NKAIN3: variants seen among roughly 807,000 people sequenced by gnomAD.
NKAIN3 encodes the protein sodium/potassium-transporting ATPase subunit beta-1-interacting protein 3.
Under a neutral mutation model 30.2 loss-of-function variants are expected in NKAIN3, and 25 were observed. The observed-to-expected ratio is 0.83, with a 90% confidence interval of 0.60 to 1.16. The LOEUF (loss-of-function observed/expected upper bound fraction) is 1.16, where lower values mean the gene tolerates loss of function less well. NKAIN3 is among the 50% of genes most tolerant of loss of function. The probability of loss-of-function intolerance (pLI) is 0.00; values close to 1 mark genes in which losing one functional copy is unlikely to be tolerated. For missense variants in NKAIN3, 225 were observed against 254.1 expected, an observed-to-expected ratio of 0.89 and a Z score of 0.78; for synonymous variants, 91 against 89.6, an observed-to-expected ratio of 1.02 and a Z score of -0.09.
At chr8:62,282,075 G>A (rs1197115196) in intron 1 of NKAIN3, among the ~76,000 whole-genome samples, 1 of 151,482 alleles carries the variant, frequency 6.6e-6, no homozygotes, top group Non-Finnish European at 1.5e-5. Flanking sequence ...GAAATTAGAT[G>A]CACAAATCCT....
chr8:62,424,939 G>C (rs1257984567), intron 1 of NKAIN3, among the ~76,000 whole-genome samples: 1 of 151,786 alleles, frequency 6.6e-6, no homozygotes, highest in Non-Finnish European at 1.5e-5. Flanking sequence ...TACATACAAT[G>C]AATTATTATT....
At chr8:62,367,619 A>G (rs1816775124) in intron 1 of NKAIN3, among the ~76,000 whole-genome samples, 1 of 152,218 alleles carries the variant, frequency 6.6e-6, no homozygotes, top group African/African-American at 2.4e-5. Context: ...TGATAAGCCT[A>G]CAGCTAATAT....
chr8:62,611,925 T>G (rs1811306220), intron 3 of NKAIN3, among the ~76,000 whole-genome samples: 1 of 152,094 alleles, frequency 6.6e-6, no homozygotes, highest in Non-Finnish European at 1.5e-5. Flanking sequence ...GAGGTTTCCC[T>G]TTTCTTCACA....
intron 4 of NKAIN3, among the ~76,000 whole-genome samples, chr8:62,903,139 T>C (rs375451278): frequency 6.6e-6 from 1 of 152,328 alleles, no homozygotes; most frequent in Admixed American, 6.5e-5. Flanking sequence ...ATAAATGTGA[T>C]GCTGTTTCTG....
chr8:62,560,270 T>G (rs1244674965), intron 1 of NKAIN3, among the ~76,000 whole-genome samples: 1 of 152,096 alleles, frequency 6.6e-6, no homozygotes, highest in African/African-American at 2.4e-5. Flanking sequence ...CTTGTCAAGA[T>G]TTACTCATCT....
chr8:62,298,784 C>A (rs1813931048), intron 1 of NKAIN3, among the ~76,000 whole-genome samples: 1 of 151,286 alleles, frequency 6.6e-6, no homozygotes, highest in South Asian at 2.1e-4. Context: ...TTTATCATAA[C>A]CAGTAGCTAG....
At chr8:62,939,305 A>G (rs1822881944) in intron 5 of NKAIN3, among the ~76,000 whole-genome samples, 1 of 152,238 alleles carries the variant, frequency 6.6e-6, no homozygotes, top group African/African-American at 2.4e-5. Flanking sequence ...GAAGAGGAGA[A>G]TTCTAAAAGT....
intron 2 of NKAIN3, among the ~76,000 whole-genome samples, chr8:62,584,113 T>A (rs1810398149): frequency 6.6e-6 from 1 of 152,170 alleles, no homozygotes; most frequent in Admixed American, 6.5e-5. Flanking sequence ...GGAGCAGAAA[T>A]CCATACTGAC....
chr8:62,889,761 T>C (rs1821248702), intron 4 of NKAIN3, among the ~76,000 whole-genome samples: 1 of 152,256 alleles, frequency 6.6e-6, no homozygotes, highest in Middle Eastern at 3.4e-3. Flanking sequence ...ACAGAGCACC[T>C]AGGATAGACC....
chr8:62,585,152 G>C (rs1032665140), intron 2 of NKAIN3, among the ~76,000 whole-genome samples: 9 of 152,150 alleles, frequency 5.9e-5, no homozygotes, highest in African/African-American at 1.9e-4. Context: ...TGATAAAATA[G>C]TATGTGCTGT....
At chr8:62,537,793 T>C (rs150696298) in intron 1 of NKAIN3, among the ~76,000 whole-genome samples, 2 of 152,226 alleles carry the variant, frequency 1.3e-5, no homozygotes, top group African/African-American at 4.8e-5. Context: ...ACATGTAAAA[T>C]GGAGCTGGTG....
intron 1 of NKAIN3, among the ~76,000 whole-genome samples, chr8:62,285,665 C>G (rs532354160): frequency 6.6e-6 from 1 of 152,252 alleles, no homozygotes; most frequent in East Asian, 1.9e-4. Context: ...GATGTCACCA[C>G]GTGAATTTAG....
At chr8:62,424,372 G>C (rs1237187637) in intron 1 of NKAIN3, among the ~76,000 whole-genome samples, 1 of 151,784 alleles carries the variant, frequency 6.6e-6, no homozygotes, top group Non-Finnish European at 1.5e-5. Context: ...CTACACAATG[G>C]AGGAAAATAT....
chr8:62,396,398 A>C (rs1241776019), intron 1 of NKAIN3, among the ~76,000 whole-genome samples: 6 of 152,200 alleles, frequency 3.9e-5, no homozygotes, highest in African/African-American at 1.2e-4. Flanking sequence ...CTTCAGGACA[A>C]TTATACAATG....
At chr8:62,918,396 T>G in intron 4 of NKAIN3, 57 bp from the exon 5 acceptor site, 1 of 1,270,776 alleles carries the variant, frequency 7.9e-7, no homozygotes. Flanking sequence ...ATATTGGCTC[T>G]TTAAGTATGG....
chr8:62,490,644 A>G (rs999056945), intron 1 of NKAIN3, among the ~76,000 whole-genome samples: 2 of 152,224 alleles, frequency 1.3e-5, no homozygotes, highest in African/African-American at 2.4e-5. Context: ...AAGAAAACAG[A>G]AATTCATGAA....
At chr8:62,606,165 G>C (rs1477290312) in intron 3 of NKAIN3, among the ~76,000 whole-genome samples, 2 of 152,026 alleles carry the variant, frequency 1.3e-5, no homozygotes, top group Non-Finnish European at 2.9e-5. Flanking sequence ...ACATATTAAA[G>C]AGAGAACCTC....
At chr8:62,986,212 G>A (rs182431487), downstream of NKAIN3, among the ~76,000 whole-genome samples, 2 of 152,146 alleles carry the variant, frequency 1.3e-5, no homozygotes, top group South Asian at 2.1e-4. Flanking sequence ...TGGCTAACCC[G>A]GAGATTCATC....
chr8:62,488,704 A>T lies in NKAIN3; in HGVS notation c.55-90835A>T, dbSNP rs150523867. 3.3e-3 allele frequency among the ~76,000 whole-genome samples: 496 copies of T among 152,312 alleles called. 2 individuals carry two copies. The highest frequency in any genetic ancestry group is 0.011 in the African/African-American group (470 of 41,572). ...ATTAGTAGAATATTATCAGTAGGAG[A>T]TAACGACATCTGAATAGGCTGCTAC... On this transcript the variant is annotated intron_variant, in intron 1 of 6. Coordinates refer to ENST00000623646, the MANE Select transcript of NKAIN3 (RefSeq NM_001304533.3).
Sources: gnomAD v4.1 joint callset for allele counts (sites outside exome capture counted in the v4.1 genomes callset) on GRCh38, gnomAD v4.1.1 for gene constraint, MANE v1.5 for transcripts, NCBI Gene and HGNC (gene_info 2026-07-23, HGNC 2026-07-21) for gene names.